CYBC1: variants seen among roughly 807,000 people sequenced by gnomAD.
CYBC1 encodes the protein cytochrome b-245 chaperone 1.
A neutral mutation model predicts 21.7 loss-of-function variants in CYBC1; 22 were observed. The ratio of observed to expected loss-of-function variants is 1.02; its 90% CI spans 0.73 to 1.45. The LOEUF is 1.45. Among genes scored for constraint, CYBC1 ranks in the 40% most tolerant of loss-of-function variants. The pLI is 0.00. For synonymous variants in CYBC1, 112 were observed against 98.7 expected (o/e 1.13, Z -0.80); for missense variants, 237 against 242.1 (o/e 0.98, Z 0.14).
rs763637263 is a variant in CYBC1 at position 82,447,612 on chromosome 17, G to A, written c.95C>T (p.Ser32Leu). The A allele has an allele frequency of 2.5e-6, 4 of 1,597,354 alleles. No homozygotes were observed. The highest frequency in any genetic ancestry group is 1.1e-5 in the South Asian group (1 of 87,352). The stretch of plus-strand genomic sequence containing the variant: ...GTAGTAGGCAGCAGCCAGGCCAATC[G>A]ACAAGATTCCTATGAAGAGAAAGTG... ...RSWSLLVGIL[S>L]IGLAAAYYSG... is the part of the protein sequence containing the mutation. Residue 32 changes from serine to leucine, a missense_variant, in exon 3 of 7, where the codon TCG becomes TTG. Transcript: ENST00000306645.
intron 3 of CYBC1, chr17:82,447,018 T>C (rs1202981233): frequency 2.3e-6 from 1 of 432,218 alleles, no homozygotes; most frequent in Admixed American, 4.1e-5. Flanking sequence ...CAAGAGCATC[T>C]CTCCGGGAAT....
rs113105756 is a variant in CYBC1, at chr17:82,446,846, C to A, written c.128-150G>T. ...TCCTGTGCTGCTGACCCTGCCCTGG[C>A]CACTCAGGACCCACACGCGGCACAC... On this transcript the variant is annotated intron_variant, in intron 3 of 6. Coordinates refer to ENST00000306645, the MANE Select transcript of CYBC1 (RefSeq NM_001033046.4). 4.7e-3 allele frequency: 3,279 copies of A among 700,998 alleles called. 89 individuals carry two copies. In the African/African-American group the frequency reaches 0.053, roughly 11 times the overall value. The allele number at this position is 700,998 out of a possible 1,614,324, so 43.4% of individuals were successfully genotyped here.
chr17:82,442,676 C>T lies in CYBC1; in HGVS notation c.*1328G>A, dbSNP rs767536638. On this transcript the variant is annotated 3_prime_UTR_variant, in exon 7 of 7. Transcript: ENST00000306645. The surrounding 1 kb of genome is among the most constrained non-coding windows in gnomAD (Gnocchi z 6.8). ...GAAGGGTTATTTATGGTTATGATGA[C>T]CCTGTCCTGCAACGAGGGACTGGCA... 392 of 1,327,504 alleles carry T rather than the reference C, an allele frequency of 3.0e-4. No individual in the cohort carries two copies. The highest frequency in any genetic ancestry group is 3.7e-4 in the Non-Finnish European group (357 of 963,880). 82.2% of individuals were successfully genotyped at this position (1,327,504 alleles called of 1,614,324 possible).
intron 5 of CYBC1, 178 bp downstream of exon 5, chr17:82,445,686 T>C: frequency 1.8e-6 from 1 of 561,424 alleles, no homozygotes; most frequent in South Asian, 2.0e-5. Context: ...GGTGAGCAGG[T>C]GGGGCGTATC....
rs563009647 is a variant in CYBC1, at chr17:82,444,707, C to A, written c.299-116G>T. On this transcript the variant is annotated intron_variant, in intron 5 of 6. Transcript: ENST00000306645. ...AGCCACACTTGGTTGGCAGCAAAAG[C>A]ATTTGCTGTTTCCTGCCTGAGGCTG... 134 of 1,358,176 alleles carry A rather than the reference C, an allele frequency of 9.9e-5. No individual in the cohort carries two copies. The African/African-American group carries it at 1.7e-3, about 17-fold the overall frequency. 84.1% of individuals were successfully genotyped at this position (1,358,176 alleles called of 1,614,324 possible).
In CYBC1 at chr17:82,444,591, A is replaced by G; in HGVS notation, c.299T>C (p.Val100Ala). Residue 100 changes from valine (V) to alanine (A), a missense_variant and splice_region_variant, in exon 6 of 7, where the codon GTG becomes GCG. Coordinates refer to ENST00000306645, the MANE Select transcript of CYBC1 (RefSeq NM_001033046.4). Reference protein sequence around the residue: ...LTLFRAGHDQVVVLLHDVRDV... With the variant: ...LTLFRAGHDQAVVLLHDVRDV... ...ACGGACATCATGGAGCAGGACCACC[A>G]CTGCGGGGAGACGGTCAGTGGCCGA... 1 of 1,600,838 alleles carries G rather than the reference A, an allele frequency of 6.2e-7. No homozygotes were observed. Among genetic ancestry groups the G allele is most frequent in the Non-Finnish European group, 8.5e-7 (1 of 1,170,164 alleles).
intron 3 of CYBC1, chr17:82,446,916 G>A (rs2054329489): frequency 1.7e-6 from 1 of 588,424 alleles, no homozygotes. Flanking sequence ...AGAGGCAGGT[G>A]GGGCGCACAG....
intron 1 of CYBC1, chr17:82,449,519 GACT>G (rs2054473306): frequency 2.5e-6 from 1 of 392,954 alleles, no homozygotes; most frequent in Non-Finnish European, 4.5e-6. Context: ...CAGCGACACC[GACT>G]GCGCGGGGGC....
Position 82,444,594 on chromosome 17 carries a change from G to A in CYBC1, c.299-3C>T, listed in dbSNP as rs1476106666. The A allele has an allele frequency of 3.1e-6, 5 of 1,597,264 alleles. No homozygotes were observed. In the Admixed American group the frequency reaches 5.1e-5, roughly 16 times the overall value. On this transcript the variant is annotated splice_region_variant and splice_polypyrimidine_tract_variant and intron_variant, in intron 5 of 6. Transcript: ENST00000306645. ...GACATCATGGAGCAGGACCACCACTGCGGGGAGACGGTCAGTGGCCGAGCC... is the reference window on the plus strand; with the variant it reads ...GACATCATGGAGCAGGACCACCACTACGGGGAGACGGTCAGTGGCCGAGCC...
intron 2 of CYBC1, chr17:82,448,051 C>CTG (rs1350902014): frequency 7.8e-6 from 2 of 256,962 alleles, no homozygotes; most frequent in South Asian, 8.2e-5. Context: ...GGCCTGAAGA[C>CTG]TGTGCACAAA....
At chr17:82,444,807 G>A (rs1281568258) in intron 5 of CYBC1, 23 of 576,626 alleles carry the variant, frequency 4.0e-5, no homozygotes, top group Non-Finnish European at 6.9e-5. Flanking sequence ...CGCGGTGCAG[G>A]CTGGCGGGTC....
Position 82,449,164 on chromosome 17 carries a change from C to A in CYBC1, c.85+6G>T. 1 of 1,563,426 alleles carries A rather than the reference C, an allele frequency of 6.4e-7. No individual in the cohort carries two copies. Among genetic ancestry groups the A allele is most frequent in the Admixed American group, 2.0e-5 (1 of 49,188 alleles). ...GGGTTCTGGGGAGGGACGTGGAGAG[C>A]CTTACCAACCAGCAGGGACCAGGAC... On this transcript the variant is annotated splice_donor_region_variant and intron_variant, in intron 2 of 6. Coordinates refer to ENST00000306645, the MANE Select transcript of CYBC1 (RefSeq NM_001033046.4).
At chr17:82,447,509 T>A in intron 3 of CYBC1, 71 bp downstream of exon 3, 1 of 1,334,706 alleles carries the variant, frequency 7.5e-7, no homozygotes, top group Non-Finnish European at 1.1e-6. Flanking sequence ...CAAATGACAG[T>A]TTTTCCTTCT....
intron 2 of CYBC1, 197 bp from the exon 3 acceptor site, chr17:82,447,818 G>A: frequency 1.6e-6 from 1 of 635,814 alleles, no homozygotes; most frequent in Non-Finnish European, 2.8e-6. Flanking sequence ...AGTATAGCTG[G>A]GCGTAGTATC....
intron 3 of CYBC1, chr17:82,447,247 G>A: frequency 7.6e-6 from 3 of 392,546 alleles, no homozygotes; most frequent in South Asian, 7.4e-5. Flanking sequence ...CAGCTACTTG[G>A]GAGGCTGAGG....
rs532485697 is a variant in CYBC1, at chr17:82,447,339, C to T, written c.127+241G>A. 693 of 550,790 alleles carry T rather than the reference C, an allele frequency of 1.3e-3. 3 individuals carry two copies. Among genetic ancestry groups the T allele is most frequent in the African/African-American group, 0.012 (588 of 49,956 alleles). 34.1% of individuals were successfully genotyped at this position (550,790 alleles called of 1,614,324 possible). On this transcript the variant is annotated intron_variant, in intron 3 of 6. Transcript: ENST00000306645. ...CTGCACTCCAGCCTGGGTGACAGAGCGAGACTCCGTCTCAAAAAAAAAAAA... is the reference window on the plus strand; with the variant it reads ...CTGCACTCCAGCCTGGGTGACAGAGTGAGACTCCGTCTCAAAAAAAAAAAA...
At chr17:82,446,866 G>A (rs2143728757) in intron 3 of CYBC1, 170 bp from the exon 4 acceptor site, 2 of 632,016 alleles carry the variant, frequency 3.2e-6, no homozygotes, top group Non-Finnish European at 5.6e-6. Flanking sequence ...CCCACACGCG[G>A]CACACCCCAC....
In CYBC1 at chr17:82,443,717, T is replaced by A; in HGVS notation, c.*287A>T. The stretch of plus-strand genomic sequence containing the variant: ...TTCATGCAGTGTGCAAGCAGCAGCA[T>A]GAGCAGGCAATAGGCCAACTCGGCT... On this transcript the variant is annotated 3_prime_UTR_variant, in exon 7 of 7. Transcript: ENST00000306645. This position sits in a 1 kb window ranked among gnomAD's most constrained non-coding sequence, Gnocchi z 6.7. 1.3e-6 allele frequency: 1 copy of A among 780,142 alleles called. No individual in the cohort carries two copies. Among genetic ancestry groups the A allele is most frequent in the Non-Finnish European group, 2.3e-6 (1 of 431,696 alleles). 48.3% of individuals were successfully genotyped at this position (780,142 alleles called of 1,614,324 possible). A position where few individuals can be genotyped will look rare whatever the true frequency, so the allele number is the denominator to read the frequency against.
In CYBC1 at chr17:82,444,100, G is replaced by A; in HGVS notation, c.468C>T (p.Leu156=). 8.1e-6 allele frequency: 13 copies of A among 1,612,526 alleles called. No homozygotes were observed. The highest frequency in any genetic ancestry group is 1.1e-5 in the Non-Finnish European group (13 of 1,179,056). ...AGTGCAGCTCCAGGAAGCTGGTGAT[G>A]AGCTTGGCGATGGCTTCCACATCAC... ...HRSDVEAIAK[L]ITSFLELHCL... is the part of the protein sequence containing the mutation. Residue 156 remains leucine (L), a synonymous_variant, in exon 7 of 7, where the codon CTC becomes CTT. Transcript: ENST00000306645.
Sources: gnomAD v4.1 joint callset for allele counts on GRCh38, gnomAD v4.1.1 for gene constraint, Gnocchi (gnomAD v3.1) non-coding constraint, MANE v1.5 for transcripts, NCBI Gene and HGNC (gene_info 2026-07-23, HGNC 2026-07-21) for gene names.